The following EDNRA variants were observed in gnomAD, a reference collection of about 807,000 sequenced individuals.
EDNRA encodes endothelin receptor type A.
Under a neutral mutation model 41.4 loss-of-function variants are expected in EDNRA, and 11 were observed. The ratio of observed to expected loss-of-function variants is 0.27; its 90% CI spans 0.17 to 0.44. The LOEUF (loss-of-function observed/expected upper bound fraction) is 0.44, where lower values mean the gene tolerates loss of function less well. Among genes scored for constraint, EDNRA ranks in the 20% least tolerant of loss-of-function variants. EDNRA has a pLI of 1.00. For synonymous variants in EDNRA, 172 were observed against 183.0 expected (o/e 0.94, Z 0.49); for missense variants, 294 against 531.0 (o/e 0.55, Z 4.39).
rs569795737 is a variant in EDNRA at position 147,514,862 on chromosome 4, A to G, written c.421-4989A>G. ...CTGTCAGCTGTCATTTTTGCTGACC[A>G]TGGCACCTCTAGAGCAGTGATCCTC... On this transcript the variant is annotated intron_variant, in intron 2 of 7. Coordinates refer to ENST00000651419, the MANE Select transcript of EDNRA (RefSeq NM_001957.4). Among the ~76,000 whole-genome samples the G allele has an allele frequency of 2.6e-5, 4 of 152,282 alleles. No homozygotes were observed. The South Asian group carries it at 6.2e-4, about 24-fold the overall frequency.
intron 2 of EDNRA, among the ~76,000 whole-genome samples, chr4:147,499,512 A>C (rs191681567): frequency 6.6e-6 from 1 of 152,360 alleles, no homozygotes; most frequent in East Asian, 1.9e-4. Flanking sequence ...GTCTCGATTT[A>C]TGTTAGTAAA....
intron 1 of EDNRA, among the ~76,000 whole-genome samples, chr4:147,484,168 A>T (rs1578769453): frequency 6.6e-6 from 1 of 152,184 alleles, no homozygotes; most frequent in East Asian, 1.9e-4. Context: ...TTGAAATAGG[A>T]TGAGCTATTT....
intron 2 of EDNRA, chr4:147,492,334 A>G (rs1195422254): frequency 2.0e-5 from 3 of 152,218 alleles, no homozygotes; most frequent in African/African-American, 4.8e-5. Flanking sequence ...TGCCTCTGTT[A>G]GAATGTTTTT....
intron 2 of EDNRA, among the ~76,000 whole-genome samples, chr4:147,518,190 A>T (rs1398163431): frequency 2.0e-5 from 3 of 152,218 alleles, no homozygotes; most frequent in African/African-American, 7.2e-5. Flanking sequence ...AGTAGTTTTC[A>T]GGTTTTCTTG....
intron 3 of EDNRA, 52 bp from the exon 4 acceptor site, chr4:147,532,454 G>T (rs1199168988): frequency 1.2e-5 from 19 of 1,524,684 alleles, no homozygotes; most frequent in Non-Finnish European, 1.7e-5. Context: ...TTGTTTAATT[G>T]AAATACATTT....
chr4:147,533,204 T>C, intron 4 of EDNRA, among the ~76,000 whole-genome samples: 1 of 152,236 alleles, frequency 6.6e-6, no homozygotes, highest in East Asian at 1.9e-4. Flanking sequence ...TGTACTTATA[T>C]TAGTACGGTT....
At chr4:147,507,835 A>G (rs534669011) in intron 2 of EDNRA, among the ~76,000 whole-genome samples, 8 of 152,228 alleles carry the variant, frequency 5.3e-5, no homozygotes, top group Middle Eastern at 3.2e-3. Flanking sequence ...CTTTTTCATT[A>G]CAGCCATTCT....
intron 2 of EDNRA, chr4:147,489,197 GTA>G (rs1729051081): frequency 6.6e-6 from 1 of 152,154 alleles, no homozygotes; most frequent in Non-Finnish European, 1.5e-5. Context: ...GGGTGCAAGT[GTA>G]GTTTTGTTAC....
chr4:147,504,627 A>C (rs1470584353), intron 2 of EDNRA, among the ~76,000 whole-genome samples: 2 of 152,106 alleles, frequency 1.3e-5, no homozygotes, highest in Admixed American at 6.5e-5. Context: ...AAAATCAAAA[A>C]CTTTTACTCT....
chr4:147,508,654 T>C (rs1729814557), intron 2 of EDNRA, among the ~76,000 whole-genome samples: 1 of 152,234 alleles, frequency 6.6e-6, no homozygotes, highest in Non-Finnish European at 1.5e-5. Flanking sequence ...GAGGCAGGCA[T>C]CTAAGTTATT....
At chr4:147,525,928 A>G (rs1462339789) in intron 3 of EDNRA, among the ~76,000 whole-genome samples, 1 of 152,244 alleles carries the variant, frequency 6.6e-6, no homozygotes, top group Non-Finnish European at 1.5e-5. Context: ...GATATTCTCA[A>G]AGGTATATCC....
chr4:147,525,030 C>T (rs7655892), intron 3 of EDNRA, among the ~76,000 whole-genome samples: 21,591 of 152,128 alleles, frequency 0.14, 1,978 homozygotes, highest in African/African-American at 0.26. Flanking sequence ...TGGCCCAGGA[C>T]AAAGAGTTCC....
At chr4:147,528,355 T>C (rs1730625307) in intron 3 of EDNRA, among the ~76,000 whole-genome samples, 1 of 135,630 alleles carries the variant, frequency 7.4e-6, no homozygotes, top group Non-Finnish European at 1.5e-5. Flanking sequence ...TTTTCTTGCT[T>C]TCTTTTTTTT....
intron 3 of EDNRA, 100 bp from the exon 4 acceptor site, chr4:147,532,406 A>T (rs1393102272): frequency 5.3e-5 from 48 of 902,462 alleles, no homozygotes; most frequent in Non-Finnish European, 8.3e-5. Flanking sequence ...AATTACTGGT[A>T]TTGGCAATGA....
intron 2 of EDNRA, among the ~76,000 whole-genome samples, chr4:147,509,939 C>T (rs1729863129): frequency 6.6e-6 from 1 of 152,150 alleles, no homozygotes; most frequent in Non-Finnish European, 1.5e-5. Flanking sequence ...CCTGCCCCCG[C>T]TGCCAGGTCC....
intron 2 of EDNRA, among the ~76,000 whole-genome samples, chr4:147,496,398 A>C (rs1422954268): frequency 1.3e-5 from 2 of 152,220 alleles, no homozygotes; most frequent in Non-Finnish European, 2.9e-5. Context: ...GAAATCTATG[A>C]AAATTAGGGT....
chr4:147,528,106 T>G (rs996895648), intron 3 of EDNRA, among the ~76,000 whole-genome samples: 4 of 152,222 alleles, frequency 2.6e-5, no homozygotes, highest in African/African-American at 9.6e-5. Context: ...AGTACATCTG[T>G]GTAAACATAA....
At chr4:147,537,117 A>G (rs181864633) in intron 5 of EDNRA, among the ~76,000 whole-genome samples, 134 of 152,328 alleles carry the variant, frequency 8.8e-4, no homozygotes, top group African/African-American at 3.1e-3. Flanking sequence ...TGGAGTCTGT[A>G]AATCTGTCCT....
chr4:147,509,613 AT>A (rs748989109), intron 2 of EDNRA, among the ~76,000 whole-genome samples: 6 of 152,260 alleles, frequency 3.9e-5, no homozygotes, highest in Non-Finnish European at 7.4e-5. Flanking sequence ...CATCACTCGC[AT>A]TACCTCATGA....
Sources: allele counts gnomAD v4.1 joint callset (sites outside exome capture counted in the v4.1 genomes callset), GRCh38; gene constraint gnomAD v4.1.1; transcripts MANE v1.5; gene names NCBI Gene and HGNC (gene_info 2026-07-23, HGNC 2026-07-21).